The following PITPNB variants were observed in gnomAD, a reference collection of about 807,000 sequenced individuals.
The protein encoded by PITPNB is phosphatidylinositol transfer protein beta isoform.
Under a neutral mutation model 45.9 loss-of-function variants are expected in PITPNB, and 16 were observed. That is an observed-to-expected ratio of 0.35 (90% CI 0.24 to 0.53). The LOEUF is 0.53. Among genes scored for constraint, PITPNB ranks in the 20% least tolerant of loss-of-function variants. PITPNB has a pLI of 0.93. For synonymous variants in PITPNB, 112 were observed against 108.9 expected (o/e 1.03, Z -0.18); for missense variants, 188 against 330.5 (o/e 0.57, Z 3.34).
chr22:27,879,094 G>C (rs1328814557), intron 7 of PITPNB, among the ~76,000 whole-genome samples: 1 of 152,024 alleles, frequency 6.6e-6, no homozygotes, highest in African/African-American at 2.4e-5. Flanking sequence ...TGAGATGGTG[G>C]GGGTGAGCCT....
Position 27,853,580 on chromosome 22 carries a change from G to A in PITPNB, c.*122C>T, listed in dbSNP as rs772524825. The A allele has an allele frequency of 1.7e-3, 2,535 of 1,531,152 alleles. 2 individuals are homozygous for A. The highest frequency in any genetic ancestry group is 2.1e-3 in the Non-Finnish European group (2,351 of 1,129,064). The allele number at this position is 1,531,152 out of a possible 1,614,324, so 94.8% of individuals were successfully genotyped here. ...CATCACAAGCACACATCTGGGAAAC[G>A]TCAACACTGCAAGATACTGGTCAGA... On this transcript the variant is annotated 3_prime_UTR_variant, in exon 12 of 12. Transcript: ENST00000335272.
At chr22:27,896,336 T>C (rs1045664541) in intron 6 of PITPNB, among the ~76,000 whole-genome samples, 3 of 152,234 alleles carry the variant, frequency 2.0e-5, no homozygotes. Flanking sequence ...AGAGAGTTGC[T>C]GATCAAAACA....
chr22:27,894,645 A>G lies in PITPNB; in HGVS notation c.373-7T>C. ...TTGGATCTAAACCATGTACCTACCA[A>G]TGACAAAGAGAAAAGAAACAAAACA... On this transcript the variant is annotated splice_polypyrimidine_tract_variant and splice_region_variant and intron_variant, in intron 6 of 11. Coordinates refer to ENST00000335272, the MANE Select transcript of PITPNB (RefSeq NM_012399.5). The G allele has an allele frequency of 6.5e-7, 1 of 1,539,812 alleles. No individual in the cohort carries two copies. The highest frequency in any genetic ancestry group is 9.0e-7 in the Non-Finnish European group (1 of 1,114,750).
chr22:27,898,671 G>A (rs1031370551), intron 3 of PITPNB, among the ~76,000 whole-genome samples: 47 of 152,226 alleles, frequency 3.1e-4, no homozygotes, highest in African/African-American at 1.1e-3. Flanking sequence ...AAGGACCCAT[G>A]CAGAAAATGA....
At chr22:27,863,747 A>G (rs1266547106) in intron 8 of PITPNB, among the ~76,000 whole-genome samples, 1 of 152,202 alleles carries the variant, frequency 6.6e-6, no homozygotes, top group Non-Finnish European at 1.5e-5. Context: ...AGCTAAATGT[A>G]ATACAAATAT....
chr22:27,879,702 T>A (rs923188568), intron 7 of PITPNB, among the ~76,000 whole-genome samples: 1 of 152,200 alleles, frequency 6.6e-6, no homozygotes, highest in Non-Finnish European at 1.5e-5. Flanking sequence ...ATACTGCATA[T>A]ACCTGAAATG....
chr22:27,864,156 AT>A (rs1258696649), intron 8 of PITPNB, among the ~76,000 whole-genome samples: 1 of 152,144 alleles, frequency 6.6e-6, no homozygotes, highest in Non-Finnish European at 1.5e-5. Context: ...AGCTATATAC[AT>A]TTTTTTCAAT....
chr22:27,854,155 T>C (rs1934107292), intron 11 of PITPNB, among the ~76,000 whole-genome samples: 1 of 152,078 alleles, frequency 6.6e-6, no homozygotes, highest in South Asian at 2.1e-4. Context: ...ATAAACATTA[T>C]AGTTCAGTAT....
intron 8 of PITPNB, among the ~76,000 whole-genome samples, chr22:27,867,194 G>GT (rs1185282488): frequency 6.6e-6 from 1 of 152,072 alleles, no homozygotes; most frequent in Non-Finnish European, 1.5e-5. Flanking sequence ...CCATATCAAG[G>GT]TAAGTCAGAC....
intron 9 of PITPNB, among the ~76,000 whole-genome samples, chr22:27,859,728 A>T (rs1026161822): frequency 6.6e-6 from 1 of 152,192 alleles, no homozygotes; most frequent in Non-Finnish European, 1.5e-5. Flanking sequence ...ATATTCTGAG[A>T]GATATGGAGG....
intron 7 of PITPNB, among the ~76,000 whole-genome samples, chr22:27,882,998 C>T (rs951593734): frequency 7.9e-5 from 12 of 152,108 alleles, no homozygotes; most frequent in African/African-American, 2.7e-4. Flanking sequence ...TGTAAGTACC[C>T]ACACCAAAAC....
intron 3 of PITPNB, among the ~76,000 whole-genome samples, chr22:27,906,512 TA>T (rs1935766488): frequency 6.6e-6 from 1 of 152,118 alleles, no homozygotes; most frequent in Non-Finnish European, 1.5e-5. Context: ...GCAAAGTGGT[TA>T]AGAGGGCAGG....
chr22:27,876,477 G>C (rs533723265), intron 7 of PITPNB, among the ~76,000 whole-genome samples: 12 of 152,172 alleles, frequency 7.9e-5, no homozygotes, highest in Non-Finnish European at 1.0e-4. Flanking sequence ...TGAGAATAAT[G>C]AATCTTGTCA....
chr22:27,900,620 C>T (rs1052961037), intron 3 of PITPNB, among the ~76,000 whole-genome samples: 1 of 152,078 alleles, frequency 6.6e-6, no homozygotes, highest in Non-Finnish European at 1.5e-5. Flanking sequence ...CTCAATGAAT[C>T]TAAGTAACTG....
intron 3 of PITPNB, among the ~76,000 whole-genome samples, chr22:27,909,080 A>ATTCAT (rs1225564663): frequency 2.6e-5 from 4 of 152,128 alleles, no homozygotes; most frequent in Non-Finnish European, 4.4e-5. Context: ...CATGAGTATG[A>ATTCAT]TTCATTTCAA....
At position 27,858,447 on chromosome 22, in the gene PITPNB, G is replaced by A. The variant is rs1020162658; in HGVS notation, c.708C>T (p.Ile236=). The change falls in exon 10 of 12, where the codon ATC becomes ATT. Residue 236 remains isoleucine, a synonymous_variant. Transcript: ENST00000335272. Reference sequence around the variant, plus strand: ...TCCTAATGTCTTCCATCGTGAGATCGATCCACTTGTCAATCCAACAAAAAA... The same window carrying A: ...TCCTAATGTCTTCCATCGTGAGATCAATCCACTTGTCAATCCAACAAAAAA... ...RQLFCWIDKW[I]DLTMEDIRRM... 17 of 1,608,796 alleles carry A rather than the reference G, an allele frequency of 1.1e-5. No homozygotes were observed. The highest frequency in any genetic ancestry group is 1.3e-5 in the African/African-American group (1 of 74,868).
intron 1 of PITPNB, among the ~76,000 whole-genome samples, chr22:27,915,123 TC>T (rs967405581): frequency 6.6e-6 from 1 of 152,182 alleles, no homozygotes; most frequent in African/African-American, 2.4e-5. Context: ...TTAATTTATT[TC>T]CACCATAAAT....
chr22:27,905,125 T>G (rs1935718580), intron 3 of PITPNB, among the ~76,000 whole-genome samples: 1 of 151,900 alleles, frequency 6.6e-6, no homozygotes, highest in Admixed American at 6.5e-5. Flanking sequence ...ACAAATTATG[T>G]TTGGCTGATA....
Position 27,919,247 on chromosome 22 carries a change from C to A in PITPNB, c.-56G>T. The stretch of plus-strand genomic sequence containing the variant: ...ATACCACCGCCGCCGCCGCCGCTAC[C>A]GCCTCTCACAGCGCCTGCGCGGCCC... On this transcript the variant is annotated 5_prime_UTR_variant, in exon 1 of 12. Coordinates refer to ENST00000335272, the MANE Select transcript of PITPNB (RefSeq NM_012399.5). 1 of 1,504,336 alleles carries A rather than the reference C, an allele frequency of 6.6e-7. No homozygotes were observed. 93.2% of individuals were successfully genotyped at this position (1,504,336 alleles called of 1,614,324 possible).
Sources: gnomAD v4.1 joint callset for allele counts (sites outside exome capture counted in the v4.1 genomes callset) on GRCh38, gnomAD v4.1.1 for gene constraint, MANE v1.5 for transcripts, NCBI Gene and HGNC (gene_info 2026-07-23, HGNC 2026-07-21) for gene names.